The following MEIS2 variants were observed in gnomAD, a reference collection of about 807,000 sequenced individuals.
MEIS2 encodes the protein homeobox protein Meis2.
MEIS2 carries 9 observed loss-of-function variants against 58.6 expected under a neutral mutation model. The ratio of observed to expected loss-of-function variants is 0.15; its 90% CI spans 0.09 to 0.27. The LOEUF (loss-of-function observed/expected upper bound fraction) is 0.27, where lower values mean the gene tolerates loss of function less well. MEIS2 is among the 10% of genes least tolerant of loss of function. The probability of loss-of-function intolerance (pLI) is 1.00; values close to 1 mark genes in which losing one functional copy is unlikely to be tolerated. For missense variants in MEIS2, 427 were observed against 635.0 expected (o/e 0.67, Z 3.52); for synonymous variants, 221 against 228.4 (o/e 0.97, Z 0.29).
chr15:37,040,050 T>A (rs1213997115), intron 7 of MEIS2, among the ~76,000 whole-genome samples: 1 of 151,124 alleles, frequency 6.6e-6, no homozygotes, highest in Non-Finnish European at 1.5e-5. Flanking sequence ...TATTGGTGTT[T>A]TTTTTTTTTT....
chr15:36,992,859 G>C (rs1051772136), intron 8 of MEIS2, among the ~76,000 whole-genome samples: 2 of 152,132 alleles, frequency 1.3e-5, no homozygotes, highest in African/African-American at 4.8e-5. Context: ...ATTTTGCCTT[G>C]AGATATTTAG....
intron 8 of MEIS2, among the ~76,000 whole-genome samples, chr15:36,971,650 C>T (rs1339340104): frequency 6.7e-6 from 1 of 148,182 alleles, no homozygotes; most frequent in African/African-American, 2.5e-5. Flanking sequence ...ACACAAAATG[C>T]TTTTAAGTTT....
At chr15:36,931,568 G>A (rs2057979439) in intron 9 of MEIS2, among the ~76,000 whole-genome samples, 1 of 152,178 alleles carries the variant, frequency 6.6e-6, no homozygotes, top group Non-Finnish European at 1.5e-5. Flanking sequence ...TATTTTGTAA[G>A]GCCCTGTGAC....
At chr15:37,019,095 T>G (rs1433731765) in intron 8 of MEIS2, among the ~76,000 whole-genome samples, 1 of 112,514 alleles carries the variant, frequency 8.9e-6, no homozygotes, top group Non-Finnish European at 2.1e-5. Context: ...GTACCAACCT[T>G]GTTCAAGAGA....
chr15:37,082,336 C>G (rs1417817924), intron 7 of MEIS2, among the ~76,000 whole-genome samples: 2 of 152,182 alleles, frequency 1.3e-5, no homozygotes, highest in Non-Finnish European at 2.9e-5. Flanking sequence ...CTTTTCCCCT[C>G]TTTTATACAA....
At chr15:37,098,274 G>T in intron 1 of MEIS2, 75 bp from the exon 2 acceptor site, 1 of 1,459,900 alleles carries the variant, frequency 6.8e-7, no homozygotes, top group African/African-American at 1.4e-5. Flanking sequence ...AAGGGAAAAA[G>T]AGCAGGGAGA....
chr15:36,986,727 C>T (rs533395199), intron 8 of MEIS2, among the ~76,000 whole-genome samples: 8 of 152,296 alleles, frequency 5.3e-5, no homozygotes, highest in African/African-American at 1.9e-4. Context: ...CCCACCTTTT[C>T]CTTTTGTCCT....
intron 9 of MEIS2, among the ~76,000 whole-genome samples, chr15:36,904,395 C>G (rs941478014): frequency 4.6e-5 from 7 of 150,808 alleles, no homozygotes; most frequent in East Asian, 2.0e-4. Context: ...GGCCAGCAAG[C>G]CTGGGGCATA....
chr15:36,942,104 C>A (rs2058396664), intron 9 of MEIS2, among the ~76,000 whole-genome samples: 1 of 152,150 alleles, frequency 6.6e-6, no homozygotes. Context: ...AAGAACCTTG[C>A]ATGTGTTTCA....
intron 8 of MEIS2, among the ~76,000 whole-genome samples, chr15:37,016,561 G>A (rs767803809): frequency 6.6e-6 from 1 of 152,064 alleles, no homozygotes; most frequent in Non-Finnish European, 1.5e-5. Context: ...AATAAGAAAC[G>A]TCTGCCAGAA....
intron 8 of MEIS2, among the ~76,000 whole-genome samples, chr15:36,970,214 T>C (rs1340650627): frequency 1.3e-5 from 2 of 152,014 alleles, no homozygotes; most frequent in African/African-American, 2.4e-5. Flanking sequence ...CCATCCTGGC[T>C]AACATGGTGA....
intron 9 of MEIS2, among the ~76,000 whole-genome samples, chr15:36,926,620 G>A (rs1401020743): frequency 3.9e-5 from 6 of 152,138 alleles, no homozygotes; most frequent in Non-Finnish European, 5.9e-5. Flanking sequence ...ACCCAATTGC[G>A]GTTTGACAGG....
intron 8 of MEIS2, among the ~76,000 whole-genome samples, chr15:36,970,005 T>C (rs2059482833): frequency 6.6e-6 from 1 of 152,196 alleles, no homozygotes; most frequent in African/African-American, 2.4e-5. Context: ...GAATTCTGGA[T>C]TATTGACACT....
chr15:37,062,521 G>A (rs1203831046), intron 7 of MEIS2, among the ~76,000 whole-genome samples: 2 of 152,180 alleles, frequency 1.3e-5, no homozygotes, highest in African/African-American at 2.4e-5. Context: ...AGACGGAAAC[G>A]TACAACTTTA....
chr15:36,968,875 C>T (rs903387791), intron 8 of MEIS2, among the ~76,000 whole-genome samples: 18 of 132,700 alleles, frequency 1.4e-4, no homozygotes, highest in Non-Finnish European at 2.5e-4. Context: ...TTTGCATGTG[C>T]CTAGCTCAGA....
chr15:37,005,153 C>T (rs2141610559), intron 8 of MEIS2, among the ~76,000 whole-genome samples: 1 of 152,306 alleles, frequency 6.6e-6, no homozygotes, highest in Admixed American at 6.5e-5. Flanking sequence ...CATGAGCACA[C>T]TGTGAAAGAA....
chr15:36,919,484 A>C (rs1164570972), intron 9 of MEIS2, among the ~76,000 whole-genome samples: 3 of 152,006 alleles, frequency 2.0e-5, no homozygotes, highest in Non-Finnish European at 4.4e-5. Flanking sequence ...AGGCTGAGGC[A>C]GGAGAATCTG....
At chr15:36,957,950 C>A (rs543840927) in intron 8 of MEIS2, among the ~76,000 whole-genome samples, 1 of 152,078 alleles carries the variant, frequency 6.6e-6, no homozygotes, top group East Asian at 1.9e-4. Context: ...TACTTTTCAT[C>A]CAGATGTTTG....
chr15:37,095,430 C>T, intron 4 of MEIS2, 134 bp downstream of exon 4: 1 of 1,381,980 alleles, frequency 7.2e-7, no homozygotes, highest in Non-Finnish European at 1.0e-6. Context: ...CTAAGCTGCT[C>T]CCTTCCTCCC....
Sources: allele counts gnomAD v4.1 joint callset (sites outside exome capture counted in the v4.1 genomes callset), GRCh38; gene constraint gnomAD v4.1.1; transcripts MANE v1.5; gene names NCBI Gene and HGNC (gene_info 2026-07-23, HGNC 2026-07-21).